Variants in PCDH15 observed in about 807,000 individuals in gnomAD.
PCDH15 encodes protocadherin related 15.
In PCDH15, 129 loss-of-function variants were observed where a neutral mutation model predicts 178.5. The observed-to-expected ratio is 0.72, with a 90% confidence interval of 0.63 to 0.84. The LOEUF (loss-of-function observed/expected upper bound fraction) is 0.84. Ranked by LOEUF, PCDH15 falls within the 40% of genes least tolerant of loss-of-function variation. PCDH15 has a pLI of 0.00. For missense variants in PCDH15, 2,230 were observed against 2,099.9 expected (o/e 1.06, Z -1.21); for synonymous variants, 800 against 732.0 (o/e 1.09, Z -1.50).
intron 32 of PCDH15, among the ~76,000 whole-genome samples, chr10:53,820,496 T>G (rs1564526635): frequency 1.3e-5 from 2 of 152,006 alleles, no homozygotes; most frequent in Non-Finnish European, 2.9e-5. Flanking sequence ...AATTATCAGG[T>G]ATGAGTTTTG....
intron 8 of PCDH15, among the ~76,000 whole-genome samples, chr10:54,242,987 AG>A (rs1382435565): frequency 2.0e-5 from 3 of 152,154 alleles, no homozygotes; most frequent in Admixed American, 6.5e-5. Context: ...ATTTGGAGAA[AG>A]GTTATGCTAA....
intron 3 of PCDH15, among the ~76,000 whole-genome samples, chr10:54,821,956 C>T (rs1953048951): frequency 1.3e-5 from 2 of 152,044 alleles, no homozygotes; most frequent in South Asian, 4.1e-4. Context: ...TAGAAGGGCA[C>T]AGGAGATCAG....
intron 1 of PCDH15, among the ~76,000 whole-genome samples, chr10:55,167,190 T>G (rs1444663): frequency 0.47 from 71,885 of 151,910 alleles, 17,578 homozygotes; most frequent in South Asian, 0.58. Flanking sequence ...CACAGCTCAC[T>G]GCAGCCTCAA....
chr10:54,377,579 G>A (rs1183321126), intron 4 of PCDH15, among the ~76,000 whole-genome samples: 1 of 152,104 alleles, frequency 6.6e-6, no homozygotes, highest in East Asian at 1.9e-4. Context: ...CCAAATTTTA[G>A]ACATGAAATA....
intron 2 of PCDH15, among the ~76,000 whole-genome samples, chr10:55,464,625 A>AATAT (rs201924826): frequency 0.034 from 2,109 of 62,698 alleles, 18 homozygotes; most frequent in Non-Finnish European, 0.038. Flanking sequence ...AATGGGAGTA[A>AATAT]ATATATATAT....
At chr10:55,341,803 ATATTTTTTTTTTTTT>A (rs1246083597) in intron 2 of PCDH15, among the ~76,000 whole-genome samples, 19 of 11,332 alleles carry the variant, frequency 1.7e-3, no homozygotes, top group African/African-American at 3.7e-3. Flanking sequence ...ATATATATAT[ATATTTTTTTTTTTTT>A]TTTTTTTTTT....
chr10:54,107,609 CAAG>C (rs1241131727), intron 15 of PCDH15, among the ~76,000 whole-genome samples: 1 of 152,082 alleles, frequency 6.6e-6, no homozygotes, highest in Non-Finnish European at 1.5e-5. Context: ...GAAGGGCCAG[CAAG>C]AATTGTTAAG....
At chr10:55,264,361 C>T (rs1370812312) in intron 1 of PCDH15, among the ~76,000 whole-genome samples, 1 of 152,068 alleles carries the variant, frequency 6.6e-6, no homozygotes, top group Non-Finnish European at 1.5e-5. Flanking sequence ...TGCTTCATGG[C>T]ATAAACAGGC....
intron 2 of PCDH15, among the ~76,000 whole-genome samples, chr10:54,949,165 C>T (rs942387742): frequency 6.6e-6 from 1 of 151,854 alleles, no homozygotes; most frequent in Non-Finnish European, 1.5e-5. Context: ...CATTTTCACA[C>T]TGCTATAAAG....
chr10:54,982,712 TA>T (rs796222909), intron 2 of PCDH15, among the ~76,000 whole-genome samples: 16 of 152,320 alleles, frequency 1.1e-4, no homozygotes, highest in African/African-American at 3.1e-4. Context: ...ATCTACTTTC[TA>T]AAAATTTTTC....
At chr10:54,245,870 A>G (rs1209160199) in intron 8 of PCDH15, among the ~76,000 whole-genome samples, 1 of 152,048 alleles carries the variant, frequency 6.6e-6, no homozygotes, top group South Asian at 2.1e-4. Context: ...AAGGATATTC[A>G]TTGTACAATA....
chr10:55,120,400 G>A (rs910036853), intron 2 of PCDH15, among the ~76,000 whole-genome samples: 3 of 152,100 alleles, frequency 2.0e-5, no homozygotes, highest in Admixed American at 2.0e-4. Flanking sequence ...GGAATTCCAG[G>A]AGATGAGAAG....
rs572359061 is a variant in PCDH15 at position 54,183,270 on chromosome 10, G to A, written c.1590+174C>T. ...ACAGGCGTGAGCCACCATGCCTGGC[G>A]GATATGCTTTTATTTGAAAAGTAAC... On this transcript the variant is annotated intron_variant, in intron 13 of 37. Transcript: ENST00000644397. Among the ~76,000 whole-genome samples, 8 of 152,150 alleles carry A rather than the reference G, an allele frequency of 5.3e-5. No individual in the cohort carries two copies. In the East Asian group the frequency reaches 5.8e-4, roughly 11 times the overall value.
At chr10:55,023,400 T>A (rs1233657124) in intron 2 of PCDH15, among the ~76,000 whole-genome samples, 1 of 152,194 alleles carries the variant, frequency 6.6e-6, no homozygotes, top group African/African-American at 2.4e-5. Context: ...AGAAAAACAT[T>A]TTAATATTTA....
chr10:54,181,886 C>T (rs1169114135), intron 13 of PCDH15, among the ~76,000 whole-genome samples: 1 of 152,140 alleles, frequency 6.6e-6, no homozygotes, highest in Non-Finnish European at 1.5e-5. Flanking sequence ...GAAAGCATAT[C>T]TTAATTCATA....
At chr10:55,295,452 G>T (rs937897283) in intron 1 of PCDH15, among the ~76,000 whole-genome samples, 3 of 152,166 alleles carry the variant, frequency 2.0e-5, no homozygotes, top group African/African-American at 7.2e-5. Context: ...TGATTAATAA[G>T]AATTATTTAA....
intron 2 of PCDH15, among the ~76,000 whole-genome samples, chr10:55,065,433 A>T (rs772959823): frequency 1.2e-4 from 18 of 151,760 alleles, no homozygotes; most frequent in Non-Finnish European, 2.5e-4. Flanking sequence ...CTGTTGTATG[A>T]CTCTACAGTA....
chr10:54,103,591 A>G (rs2094852645), intron 15 of PCDH15, among the ~76,000 whole-genome samples: 1 of 152,158 alleles, frequency 6.6e-6, no homozygotes, highest in Non-Finnish European at 1.5e-5. Flanking sequence ...AGCAGGGATG[A>G]GTAGGTCTAA....
intron 20 of PCDH15, among the ~76,000 whole-genome samples, chr10:53,997,038 T>G (rs2091889181): frequency 6.6e-6 from 1 of 152,152 alleles, no homozygotes; most frequent in Non-Finnish European, 1.5e-5. Flanking sequence ...TTTCTTACTA[T>G]CAAACAATGC....
Sources: allele counts gnomAD v4.1 joint callset (sites outside exome capture counted in the v4.1 genomes callset), GRCh38; gene constraint gnomAD v4.1.1; transcripts MANE v1.5; gene names NCBI Gene and HGNC (gene_info 2026-07-23, HGNC 2026-07-21).